PCDHA1: variants seen among roughly 807,000 people sequenced by gnomAD.
PCDHA1 encodes the protein protocadherin alpha 1.
A neutral mutation model predicts 61.3 loss-of-function variants in PCDHA1; 42 were observed. That is an observed-to-expected ratio of 0.69 (90% CI 0.54 to 0.89). PCDHA1 has a LOEUF of 0.89. Ranked by LOEUF, PCDHA1 falls within the 40% of genes least tolerant of loss-of-function variation. The pLI is 0.00. For missense variants in PCDHA1, 1,256 were observed against 1,235.3 expected, an observed-to-expected ratio of 1.02 and a Z score of -0.25; for synonymous variants, 610 against 553.8, an observed-to-expected ratio of 1.10 and a Z score of -1.43.
At chr5:140,883,237 T>C in intron 1 of PCDHA1, 2 of 1,614,044 alleles carry the variant, frequency 1.2e-6, no homozygotes, top group Non-Finnish European at 1.7e-6. Context: ...TGGAGGCAGT[T>C]GACAAAGGAA....
intron 1 of PCDHA1, chr5:140,802,868 C>A (rs199682432): frequency 6.2e-7 from 1 of 1,613,720 alleles, no homozygotes; most frequent in South Asian, 1.1e-5. Flanking sequence ...TCGTGCTGGA[C>A]GAGAACGACA....
At chr5:140,802,258 C>T (rs782045341) in intron 1 of PCDHA1, 1 of 1,614,238 alleles carries the variant, frequency 6.2e-7, no homozygotes, top group Non-Finnish European at 8.5e-7. Context: ...GTTATTCAAT[C>T]ACTATCTTTA....
chr5:140,986,461 C>T (rs1554248079), intron 3 of PCDHA1, among the ~76,000 whole-genome samples: 1 of 152,154 alleles, frequency 6.6e-6, no homozygotes. Context: ...TTAATGAATG[C>T]CCTCTTGTGA....
intron 1 of PCDHA1, among the ~76,000 whole-genome samples, chr5:140,906,476 G>A (rs1284528767): frequency 1.3e-5 from 2 of 152,192 alleles, no homozygotes; most frequent in African/African-American, 4.8e-5. Context: ...TAGTACAAAT[G>A]TATAAATGCA....
chr5:140,945,829 A>G (rs1472344558), intron 1 of PCDHA1, among the ~76,000 whole-genome samples: 1 of 152,180 alleles, frequency 6.6e-6, no homozygotes, highest in Non-Finnish European at 1.5e-5. Flanking sequence ...ACAAAAGTCA[A>G]CTCAAAATGG....
Position 140,857,884 on chromosome 5 carries a change from G to C in PCDHA1, c.2394+69200G>C, listed in dbSNP as rs782097827. 60 of 1,597,656 alleles carry C rather than the reference G, an allele frequency of 3.8e-5. 6 individuals carry two copies. Among genetic ancestry groups the C allele is most frequent in the Non-Finnish European group, 5.0e-5 (58 of 1,167,502 alleles). On this transcript the variant is annotated intron_variant, in intron 1 of 3. Transcript: ENST00000504120. ...CGTGGCTGTCGTATGAATTGCAGTC[G>C]GCGGCGGTTGGTGCACGCATCCCGT...
rs17844294 is a variant in PCDHA1 at position 140,823,179 on chromosome 5, G to A, written c.2394+34495G>A. On this transcript the variant is annotated intron_variant, in intron 1 of 3. Transcript: ENST00000504120. ...CCGTGTTCGTGAAGGAGAACAACCC[G>A]CCAGGCTGCCACATCTTCACGGTGT... 12 of 1,613,914 alleles carry A rather than the reference G, an allele frequency of 7.4e-6. No individual in the cohort carries two copies. The East Asian group carries it at 1.6e-4, about 21-fold the overall frequency.
chr5:140,932,002 T>G (rs1305093438), intron 1 of PCDHA1, among the ~76,000 whole-genome samples: 1 of 151,956 alleles, frequency 6.6e-6, no homozygotes, highest in East Asian at 1.9e-4. Flanking sequence ...CTAAGTTCTT[T>G]CATTTTAGTT....
chr5:140,902,488 G>T (rs1357036471), intron 1 of PCDHA1, among the ~76,000 whole-genome samples: 2 of 152,096 alleles, frequency 1.3e-5, no homozygotes, highest in African/African-American at 4.8e-5. Context: ...TGCTCAGTAT[G>T]ATACTAGCTG....
chr5:140,981,864 T>C (rs1554243477), intron 2 of PCDHA1, among the ~76,000 whole-genome samples: 3 of 152,294 alleles, frequency 2.0e-5, no homozygotes, highest in African/African-American at 7.2e-5. Context: ...CCCAGCAATG[T>C]TTTATGCTGA....
At chr5:141,004,117 G>A (rs2098153806) in intron 3 of PCDHA1, among the ~76,000 whole-genome samples, 1 of 152,236 alleles carries the variant, frequency 6.6e-6, no homozygotes. Flanking sequence ...TCAAAAGGGA[G>A]TATCTCCATG....
intron 1 of PCDHA1, among the ~76,000 whole-genome samples, chr5:140,944,313 G>A (rs2093639720): frequency 6.6e-6 from 1 of 152,066 alleles, no homozygotes; most frequent in Non-Finnish European, 1.5e-5. Context: ...TCAGCCTCCT[G>A]AGTAGCTGGG....
chr5:140,998,186 CA>C (rs1323195881), intron 3 of PCDHA1, among the ~76,000 whole-genome samples: 1 of 152,088 alleles, frequency 6.6e-6, no homozygotes, highest in African/African-American at 2.4e-5. Context: ...AAGCACTTTA[CA>C]AGTATTAACT....
intron 1 of PCDHA1, among the ~76,000 whole-genome samples, chr5:140,953,945 C>T (rs189219030): frequency 8.5e-5 from 13 of 152,154 alleles, no homozygotes; most frequent in African/African-American, 3.1e-4. Flanking sequence ...TCCCATTGCT[C>T]CCCCAACAGG....
At chr5:140,835,993 C>A (rs2150249835) in intron 1 of PCDHA1, 2 of 1,613,346 alleles carry the variant, frequency 1.2e-6, no homozygotes, top group African/African-American at 1.3e-5. Context: ...CAGGTGAGCG[C>A]GCGCGATGCG....
chr5:141,009,955 A>G lies in PCDHA1; in HGVS notation c.*18A>G, dbSNP rs782282264. 6.3e-7 allele frequency: 1 copy of G among 1,592,418 alleles called. No individual in the cohort carries two copies. Among genetic ancestry groups the G allele is most frequent in the African/African-American group, 1.4e-5 (1 of 73,350 alleles). ...ACCAGTGAGGTCCTCAAATGGAAAC[A>G]AGCCACTTAGCCAGTTTTTGTAATA... On this transcript the variant is annotated 3_prime_UTR_variant, in exon 4 of 4. Transcript: ENST00000504120.
At chr5:140,826,232 CTATT>C (rs1185758799) in intron 1 of PCDHA1, among the ~76,000 whole-genome samples, 2 of 152,152 alleles carry the variant, frequency 1.3e-5, no homozygotes, top group Non-Finnish European at 2.9e-5. Flanking sequence ...GTGATATAAA[CTATT>C]TATATATCTC....
At chr5:140,915,626 G>GTCTCTCTCTCTCTC (rs57920489) in intron 1 of PCDHA1, among the ~76,000 whole-genome samples, 21 of 146,534 alleles carry the variant, frequency 1.4e-4, no homozygotes, top group African/African-American at 5.0e-4. Context: ...GTCTCTTTCT[G>GTCTCTCTCTCTCTC]TCTCTCTCTC....
chr5:140,851,482 A>G lies in PCDHA1; in HGVS notation c.2394+62798A>G, dbSNP rs920921115. ...AATTATGTCAATAAATGTTATAAAC[A>G]CAGCCTTCATTTCAACTTATATAAA... On this transcript the variant is annotated intron_variant, in intron 1 of 3. Coordinates refer to ENST00000504120, the MANE Select transcript of PCDHA1 (RefSeq NM_018900.4). 35 of 893,414 alleles carry G rather than the reference A, an allele frequency of 3.9e-5. 3 individuals carry two copies. The highest frequency in any genetic ancestry group is 4.2e-5 in the Non-Finnish European group (31 of 732,620). The allele number at this position is 893,414 out of a possible 1,614,324, so 55.3% of individuals were successfully genotyped here. A position where few individuals can be genotyped will look rare whatever the true frequency, so the allele number is the denominator to read the frequency against.
Sources: allele counts gnomAD v4.1 joint callset (sites outside exome capture counted in the v4.1 genomes callset), GRCh38; gene constraint gnomAD v4.1.1; transcripts MANE v1.5; gene names NCBI Gene and HGNC (gene_info 2026-07-23, HGNC 2026-07-21).